Variants in GNPDA1 observed in about 807,000 individuals in gnomAD.
GNPDA1 encodes GNPDA 1.
In GNPDA1, 24 loss-of-function variants were observed where a neutral mutation model predicts 28.5. The observed-to-expected ratio is 0.84, with a 90% CI of 0.61 to 1.19. The LOEUF (loss-of-function observed/expected upper bound fraction) is 1.19. GNPDA1 is among the 50% of genes most tolerant of loss of function. GNPDA1 has a pLI of 0.00. For missense variants in GNPDA1, 264 were observed against 367.3 expected (o/e 0.72, Z 2.30); for synonymous variants, 147 against 139.3 (o/e 1.06, Z -0.39).
chr5:142,002,430 G>A (rs1282007305), intron 6 of GNPDA1, among the ~76,000 whole-genome samples: 1 of 152,152 alleles, frequency 6.6e-6, no homozygotes, highest in South Asian at 2.1e-4. Flanking sequence ...ATTTTCACAT[G>A]TTTGCCTAAA....
chr5:142,007,404 CCA>C (rs1398525456), intron 3 of GNPDA1, among the ~76,000 whole-genome samples: 1 of 151,982 alleles, frequency 6.6e-6, no homozygotes, highest in Non-Finnish European at 1.5e-5. Context: ...GAGCTGGAGG[CCA>C]CACACAGAAG....
Position 142,005,008 on chromosome 5 carries a change from A to G in GNPDA1, c.518T>C (p.Phe173Ser), listed in dbSNP as rs1316381015. The part of the protein sequence containing the change: ...AMDTILANAR[F>S]FDGELTKVPT... The stretch of plus-strand genomic sequence containing the variant: ...CACCTTGGTGAGTTCTCCATCGAAG[A>G]ACCTAGCATTGGCCAGGATGGTATC... Residue 173 changes from phenylalanine (F) to serine (S), a missense_variant, in exon 5 of 7, where the codon TTC becomes TCC. Physicochemically the swap from Phe to Ser is radical, Grantham distance 155 (BLOSUM62 -2). Coordinates refer to ENST00000311337, the MANE Select transcript of GNPDA1 (RefSeq NM_005471.5). 1 of 1,613,680 alleles carries G rather than the reference A, an allele frequency of 6.2e-7. No homozygotes were observed. Among genetic ancestry groups the G allele is most frequent in the Non-Finnish European group, 8.5e-7 (1 of 1,179,658 alleles).
intron 2 of GNPDA1, among the ~76,000 whole-genome samples, chr5:142,010,701 A>T (rs1232088157): frequency 6.7e-6 from 1 of 149,002 alleles, no homozygotes; most frequent in African/African-American, 2.5e-5. Context: ...TTTTGTAGAG[A>T]TGGGGTTTTG....
rs1439749982 is a variant in GNPDA1, at chr5:142,002,978, A to G, written c.769+110T>C. 9 of 825,108 alleles carry G rather than the reference A, an allele frequency of 1.1e-5. No individual in the cohort carries two copies. In the African/African-American group the frequency reaches 1.5e-4, roughly 14 times the overall value. The allele number at this position is 825,108 out of a possible 1,614,324, so 51.1% of individuals were successfully genotyped here. A position where few individuals can be genotyped will look rare whatever the true frequency, so the allele number is the denominator to read the frequency against. On this transcript the variant is annotated intron_variant, in intron 6 of 6. Coordinates refer to ENST00000311337, the MANE Select transcript of GNPDA1 (RefSeq NM_005471.5). ...GATGCAGTTGGGTTTGATATTTCTT[A>G]AGATTACAGTTGTCAATTAAAATGA...
chr5:142,008,086 CTG>C (rs1755853128), intron 2 of GNPDA1, among the ~76,000 whole-genome samples, 186 bp from the exon 3 acceptor site: 2 of 152,256 alleles, frequency 1.3e-5, no homozygotes, highest in African/African-American at 4.8e-5. Context: ...TGCCACTAGA[CTG>C]TAAGCTCCAG....
At chr5:142,005,997 A>G (rs987776005) in intron 4 of GNPDA1, 147 bp downstream of exon 4, 1 of 640,826 alleles carries the variant, frequency 1.6e-6, no homozygotes, top group Admixed American at 2.6e-5. Flanking sequence ...CCTGAGTAAC[A>G]GAGCCAGGCA....
At chr5:142,007,771 G>A (rs2232196) in intron 3 of GNPDA1, 28 bp downstream of exon 3, 1 of 1,348,258 alleles carries the variant, frequency 7.4e-7, no homozygotes, top group African/African-American at 1.4e-5. Flanking sequence ...CTAGAATCAG[G>A]AAAGAACCTT....
rs1755719698 is a variant in GNPDA1, at chr5:142,003,183, GTCCACATGTGGTTCACTCCCTCC to G, written c.651_673del (p.Glu217AspfsTer16). On this transcript the variant is annotated frameshift_variant, in exon 6 of 7. Coordinates refer to ENST00000311337, the MANE Select transcript of GNPDA1 (RefSeq NM_005471.5). LOFTEE classifies it high-confidence loss of function. This position sits in a 1 kb window ranked among gnomAD's most constrained non-coding sequence, Gnocchi z 4.0. Reference sequence around the variant, plus strand: ...GGGATGCTGCTGGAAGGCAGACACGGTCCACATGTGGTTCACTCCCTCCTCGATGGCCTTGTACAGAGCAAATG... The same window carrying G: ...GGGATGCTGCTGGAAGGCAGACACGGTCGATGGCCTTGTACAGAGCAAATG... 2 of 1,613,772 alleles carry G rather than the reference GTCCACATGTGGTTCACTCCCTCC, an allele frequency of 1.2e-6. No individual in the cohort carries two copies. The highest frequency in any genetic ancestry group is 1.7e-6 in the Non-Finnish European group (2 of 1,179,788).
In GNPDA1 at chr5:142,005,065, A is replaced by T. The variant is rs1561571315; in HGVS notation, c.461T>A (p.Val154Glu). Residue 154 changes from valine (V) to glutamate (E), a missense_variant, in exon 5 of 7, where the codon GTG becomes GAG. Coordinates refer to ENST00000311337, the MANE Select transcript of GNPDA1 (RefSeq NM_005471.5). ...IAFNEPGSSL[V>E]SRTRVKTLAM... ...CAGCGTCTTCACACGGGTCCTGGAC[A>T]CCAGACTGGAGCCTGGCTCGTTGAA... The T allele has an allele frequency of 6.2e-7, 1 of 1,612,628 alleles. No individual in the cohort carries two copies. The highest frequency in any genetic ancestry group is 2.2e-5 in the East Asian group (1 of 44,830).
In GNPDA1 at chr5:142,006,134, T is replaced by A; in HGVS notation, c.409+10A>T. 1 of 1,608,278 alleles carries A rather than the reference T, an allele frequency of 6.2e-7. No homozygotes were observed. Among genetic ancestry groups the A allele is most frequent in the Non-Finnish European group, 8.5e-7 (1 of 1,176,130 alleles). On this transcript the variant is annotated intron_variant, in intron 4 of 6. Coordinates refer to ENST00000311337, the MANE Select transcript of GNPDA1 (RefSeq NM_005471.5). ...CCCTGGACATGTGTGCTGCAGAGTG[T>A]CAAGCTCACCTCCAACAAATAGCTC...
intron 1 of GNPDA1, chr5:142,012,738 G>A (rs1477692267): frequency 3.1e-6 from 3 of 972,972 alleles, no homozygotes; most frequent in African/African-American, 1.8e-5. Flanking sequence ...AATCGCTCCA[G>A]AAGGAGGACA....
intron 2 of GNPDA1, 51 bp from the exon 3 acceptor site, chr5:142,007,951 GC>G: frequency 9.7e-7 from 1 of 1,029,278 alleles, no homozygotes; most frequent in Non-Finnish European, 1.5e-6. Flanking sequence ...AAGTCTGGAA[GC>G]CCAGAGGGTT....
rs372843736 is a variant in GNPDA1 at position 142,007,764 on chromosome 5, G to C, written c.226+35C>G. 5.5e-6 allele frequency: 7 copies of C among 1,279,444 alleles called. No homozygotes were observed. In the African/African-American group the frequency reaches 8.8e-5, roughly 16 times the overall value. The allele number at this position is 1,279,444 out of a possible 1,614,324, so 79.3% of individuals were successfully genotyped here. On this transcript the variant is annotated intron_variant, in intron 3 of 6. Coordinates refer to ENST00000311337, the MANE Select transcript of GNPDA1 (RefSeq NM_005471.5). ...TGAGAGGAGGAGCATCACTCTCCTAGAATCAGGAAAGAACCTTGAAAGAGA... is the reference window on the plus strand; with the variant it reads ...TGAGAGGAGGAGCATCACTCTCCTACAATCAGGAAAGAACCTTGAAAGAGA...
rs539664623 is a variant in GNPDA1 at position 142,010,434 on chromosome 5, C to T, written c.124+1478G>A. On this transcript the variant is annotated intron_variant, in intron 2 of 6. Transcript: ENST00000311337. ...TCAGCCTCCCAAAGTGCTGGGATTA[C>T]AGGCGTGAGCCACCACACCCGGCCC... Among the ~76,000 whole-genome samples the T allele has an allele frequency of 2.0e-5, 3 of 152,302 alleles. 1 individual carries two copies. The South Asian group carries it at 6.2e-4, about 32-fold the overall frequency.
At chr5:142,002,376 C>T (rs902057104) in intron 6 of GNPDA1, among the ~76,000 whole-genome samples, 4 of 152,160 alleles carry the variant, frequency 2.6e-5, no homozygotes, top group Non-Finnish European at 5.9e-5. Context: ...TTAGTCTTTT[C>T]AGCAAAGGAC....
Position 142,006,144 on chromosome 5 carries a change from C to T in GNPDA1, c.409G>A (p.Gly137Ser). 1 of 1,611,132 alleles carries T rather than the reference C, an allele frequency of 6.2e-7. No individual in the cohort carries two copies. Among genetic ancestry groups the T allele is most frequent in the East Asian group, 2.2e-5 (1 of 44,814 alleles). ...GTGTGCTGCAGAGTGTCAAGCTCAC[C>T]TCCAACAAATAGCTCGATCCCACCT... ...AAGGIELFVG[G>S]IGPDGHIAFN... Residue 137 changes from glycine to serine, a missense_variant and splice_region_variant, in exon 4 of 7, where the codon GGC (glycine) becomes AGC (serine). Gly to Ser is a moderately conservative substitution (Grantham distance 56). Transcript: ENST00000311337.
At chr5:142,009,658 G>C (rs188326124) in intron 2 of GNPDA1, among the ~76,000 whole-genome samples, 1 of 152,214 alleles carries the variant, frequency 6.6e-6, no homozygotes, top group Admixed American at 6.5e-5. Flanking sequence ...CCTTAGCTAT[G>C]CCTGAGCCAC....
intron 2 of GNPDA1, among the ~76,000 whole-genome samples, chr5:142,010,670 T>C (rs559010532): frequency 5.7e-4 from 87 of 151,966 alleles, no homozygotes; most frequent in African/African-American, 2.1e-3. Flanking sequence ...TGTGCCACCA[T>C]GCCTAGCTAA....
chr5:142,003,318 A>G lies in GNPDA1; in HGVS notation c.595-56T>C. Reference sequence around the variant, plus strand: ...GGGGAGCATTCCAGACACCCTAAACAGTTGTAAGGATGATTGTTTTTCATA... The same window carrying G: ...GGGGAGCATTCCAGACACCCTAAACGGTTGTAAGGATGATTGTTTTTCATA... On this transcript the variant is annotated intron_variant, in intron 5 of 6. Coordinates refer to ENST00000311337, the MANE Select transcript of GNPDA1 (RefSeq NM_005471.5). The surrounding 1 kb of genome is among the most constrained non-coding windows in gnomAD (Gnocchi z 4.0). 1 of 1,162,362 alleles carries G rather than the reference A, an allele frequency of 8.6e-7. No homozygotes were observed. The highest frequency in any genetic ancestry group is 1.4e-5 in the South Asian group (1 of 71,040). The allele number at this position is 1,162,362 out of a possible 1,614,324, so 72.0% of individuals were successfully genotyped here. A position where few individuals can be genotyped will look rare whatever the true frequency, so the allele number is the denominator to read the frequency against.
Sources: gnomAD v4.1 joint callset for allele counts (sites outside exome capture counted in the v4.1 genomes callset) on GRCh38, gnomAD v4.1.1 for gene constraint, Gnocchi (gnomAD v3.1) non-coding constraint, MANE v1.5 for transcripts, NCBI Gene and HGNC (gene_info 2026-07-23, HGNC 2026-07-21) for gene names.